Variants in CEMIP observed in about 807,000 individuals in gnomAD.
CEMIP encodes the protein cell migration inducing hyaluronidase 1.
In CEMIP, 105 loss-of-function variants were observed where a neutral mutation model predicts 156.9. That is an observed-to-expected ratio of 0.67 (90% CI 0.57 to 0.79). The LOEUF (loss-of-function observed/expected upper bound fraction) is 0.79. CEMIP is among the 30% of genes least tolerant of loss of function. The pLI, the probability that CEMIP is intolerant of heterozygous loss-of-function variation, is 0.00. For synonymous variants in CEMIP, 676 were observed against 668.4 expected (o/e 1.01, Z -0.17); for missense variants, 1,457 against 1,769.4 (o/e 0.82, Z 3.17).
At chr15:80,836,573 G>T (rs12917466) in intron 1 of CEMIP, among the ~76,000 whole-genome samples, 136,482 of 152,054 alleles carry the variant, frequency 0.9, 62,620 homozygotes, top group East Asian at 1. Context: ...AGTTCCTTTT[G>T]CCATAGCGTC....
chr15:80,790,039 T>C (rs915949247), intron 1 of CEMIP, among the ~76,000 whole-genome samples: 9 of 152,248 alleles, frequency 5.9e-5, no homozygotes, highest in East Asian at 1.9e-4. Context: ...TTAGTGGCCA[T>C]TGTGGGATAC....
intron 9 of CEMIP, 74 bp downstream of exon 9, chr15:80,888,870 T>G: frequency 7.8e-7 from 1 of 1,281,322 alleles, no homozygotes; most frequent in South Asian, 1.2e-5. Context: ...TTTGCAGAAC[T>G]AGGATTTATC....
At chr15:80,871,295 C>T (rs1430401665) in intron 1 of CEMIP, among the ~76,000 whole-genome samples, 1 of 152,230 alleles carries the variant, frequency 6.6e-6, no homozygotes, top group African/African-American at 2.4e-5. Flanking sequence ...GGCAATCTCT[C>T]TGCCCCCAGT....
chr15:80,905,882 G>A (rs560759306), intron 12 of CEMIP, among the ~76,000 whole-genome samples: 4 of 152,248 alleles, frequency 2.6e-5, no homozygotes, highest in African/African-American at 9.6e-5. Context: ...GGGGGATGGT[G>A]AGGAGCTCAG....
chr15:80,862,288 T>C (rs2141770519), intron 1 of CEMIP, among the ~76,000 whole-genome samples: 1 of 152,296 alleles, frequency 6.6e-6, no homozygotes, highest in South Asian at 2.1e-4. Flanking sequence ...GGCTCACTTG[T>C]TTAAAGACCA....
At chr15:80,838,174 A>T (rs1406720348) in intron 1 of CEMIP, among the ~76,000 whole-genome samples, 2 of 152,086 alleles carry the variant, frequency 1.3e-5, no homozygotes, top group Admixed American at 1.3e-4. Flanking sequence ...ACCCATCCAC[A>T]TGCGTTCCAC....
intron 1 of CEMIP, among the ~76,000 whole-genome samples, chr15:80,803,087 C>T (rs1215046596): frequency 6.6e-6 from 1 of 152,176 alleles, no homozygotes; most frequent in African/African-American, 2.4e-5. Context: ...ATTCACGCTT[C>T]TCAGAGCCCT....
chr15:80,920,657 G>A (rs1900438767), intron 15 of CEMIP, among the ~76,000 whole-genome samples: 1 of 152,168 alleles, frequency 6.6e-6, no homozygotes, highest in Non-Finnish European at 1.5e-5. Context: ...CTAGATATTA[G>A]AGAGACAGAG....
intron 29 of CEMIP, 66 bp from the exon 30 acceptor site, chr15:80,948,731 G>A: frequency 6.2e-7 from 1 of 1,610,260 alleles, no homozygotes; most frequent in Non-Finnish European, 8.5e-7. Flanking sequence ...GGGGAGCCAT[G>A]GAACGGGGTG....
intron 5 of CEMIP, 130 bp downstream of exon 5, chr15:80,879,984 G>A: frequency 9.6e-7 from 1 of 1,044,058 alleles, no homozygotes; most frequent in African/African-American, 1.6e-5. Flanking sequence ...CTGCCAGATG[G>A]GGATCATGAA....
chr15:80,865,925 A>G (rs1898113643), intron 1 of CEMIP, among the ~76,000 whole-genome samples: 1 of 152,016 alleles, frequency 6.6e-6, no homozygotes, highest in Non-Finnish European at 1.5e-5. Context: ...GGACTGGGGG[A>G]TCCTTAAGGG....
rs756948492 is a variant in CEMIP at position 80,948,846 on chromosome 15, G to A, written c.4008G>A (p.Val1336=). Residue 1336 remains valine (V), a synonymous_variant, in exon 30 of 30, where the codon GTG becomes GTA. Transcript: ENST00000394685. ...AAGGCAGCTTCCGGCCCATCTGGGT[G>A]ACACTGGACACTGAGGATCACAAAG... ...GFKGSFRPIW[V]TLDTEDHKAK... 2 of 1,614,132 alleles carry A rather than the reference G, an allele frequency of 1.2e-6. No individual in the cohort carries two copies. The highest frequency in any genetic ancestry group is 1.7e-6 in the Non-Finnish European group (2 of 1,180,058).
intron 3 of CEMIP, among the ~76,000 whole-genome samples, chr15:80,875,021 ATTTTTTTTTTTT>A (rs755707756): frequency 9.2e-5 from 6 of 64,918 alleles, no homozygotes; most frequent in East Asian, 6.5e-4. Flanking sequence ...AGCAAGTAGC[ATTTTTTTTTTTT>A]TTTTTTTTTT....
intron 12 of CEMIP, among the ~76,000 whole-genome samples, chr15:80,899,970 G>T (rs183255312): frequency 6.6e-6 from 1 of 152,288 alleles, no homozygotes; most frequent in East Asian, 1.9e-4. Flanking sequence ...TGGGCCTGGG[G>T]TAGCATTTGG....
intron 1 of CEMIP, among the ~76,000 whole-genome samples, chr15:80,783,330 T>A (rs2141556385): frequency 6.6e-6 from 1 of 152,370 alleles, no homozygotes. Context: ...AGCATATCTT[T>A]GAAAAGTCTG....
intron 14 of CEMIP, among the ~76,000 whole-genome samples, chr15:80,915,358 A>G (rs1042095877): frequency 2.6e-5 from 4 of 152,256 alleles, no homozygotes; most frequent in Admixed American, 2.0e-4. Context: ...AGGAATGACC[A>G]AGGATAGCTT....
At chr15:80,885,764 C>G (rs1279883119) in intron 7 of CEMIP, among the ~76,000 whole-genome samples, 1 of 152,146 alleles carries the variant, frequency 6.6e-6, no homozygotes, top group East Asian at 1.9e-4. Flanking sequence ...ATAATATGAA[C>G]AAAATATTTG....
At chr15:80,936,397 G>T (rs1302786903) in intron 23 of CEMIP, among the ~76,000 whole-genome samples, 4 of 152,206 alleles carry the variant, frequency 2.6e-5, no homozygotes, top group African/African-American at 9.7e-5. Flanking sequence ...CTATTATGCA[G>T]ACTCTTCTCA....
chr15:80,941,721 G>A (rs1901342420), intron 25 of CEMIP, 128 bp from the exon 26 acceptor site: 1 of 797,130 alleles, frequency 1.3e-6, no homozygotes, highest in Non-Finnish European at 2.1e-6. Flanking sequence ...GGTAGACATG[G>A]TTCCATTCTA....
Sources: gnomAD v4.1 joint callset for allele counts (sites outside exome capture counted in the v4.1 genomes callset) on GRCh38, gnomAD v4.1.1 for gene constraint, MANE v1.5 for transcripts, NCBI Gene and HGNC (gene_info 2026-07-23, HGNC 2026-07-21) for gene names.